The following JAZF1 variants were observed in gnomAD, a reference collection of about 807,000 sequenced individuals.
JAZF1 encodes the protein juxtaposed with another zinc finger protein 1.
A neutral mutation model predicts 26.4 loss-of-function variants in JAZF1; 8 were observed. That is an observed-to-expected ratio of 0.30 (90% CI 0.18 to 0.55). JAZF1 has a LOEUF of 0.55. Among genes scored for constraint, JAZF1 ranks in the 20% least tolerant of loss-of-function variants. The pLI is 0.94. For missense variants in JAZF1, 199 were observed against 322.0 expected, an observed-to-expected ratio of 0.62 and a Z score of 2.92; for synonymous variants, 126 against 122.3, an observed-to-expected ratio of 1.03 and a Z score of -0.20.
intron 2 of JAZF1, among the ~76,000 whole-genome samples, chr7:27,933,052 G>C (rs939789106): frequency 7.2e-5 from 11 of 152,168 alleles, no homozygotes; most frequent in African/African-American, 2.7e-4. Context: ...ATTATAAACA[G>C]CTCTGTGGAA....
At chr7:28,009,275 A>G (rs1323863586) in intron 1 of JAZF1, among the ~76,000 whole-genome samples, 1 of 152,042 alleles carries the variant, frequency 6.6e-6, no homozygotes, top group Non-Finnish European at 1.5e-5. Context: ...AGTATCTACA[A>G]CTACTCTGCC....
At chr7:27,984,650 A>T (rs1474380246) in intron 2 of JAZF1, among the ~76,000 whole-genome samples, 1 of 152,224 alleles carries the variant, frequency 6.6e-6, no homozygotes, top group Non-Finnish European at 1.5e-5. Flanking sequence ...CAGAACATAC[A>T]TTCTTCTCAG....
intron 1 of JAZF1, among the ~76,000 whole-genome samples, chr7:28,058,364 A>G (rs1783748218): frequency 1.3e-5 from 2 of 152,264 alleles, no homozygotes; most frequent in East Asian, 3.9e-4. Flanking sequence ...GAGGACGAAA[A>G]TGAGGACAAG....
chr7:27,868,877 G>A (rs1266513916), intron 3 of JAZF1, among the ~76,000 whole-genome samples: 2 of 152,160 alleles, frequency 1.3e-5, no homozygotes, highest in Admixed American at 6.5e-5. Flanking sequence ...CTGACAGAGA[G>A]CAGTAGCTCA....
chr7:28,009,240 T>C (rs1300581598), intron 1 of JAZF1, among the ~76,000 whole-genome samples: 4 of 145,504 alleles, frequency 2.7e-5, no homozygotes, highest in African/African-American at 1.0e-4. Context: ...TAACATACTT[T>C]CAAAAAAAAA....
At chr7:28,124,885 C>T (rs1302150266) in intron 1 of JAZF1, among the ~76,000 whole-genome samples, 1 of 152,162 alleles carries the variant, frequency 6.6e-6, no homozygotes, top group Non-Finnish European at 1.5e-5. Flanking sequence ...AGTTGACTGG[C>T]TCAAAGGGGC....
chr7:27,899,842 G>A (rs918710597), intron 2 of JAZF1, among the ~76,000 whole-genome samples: 3 of 152,156 alleles, frequency 2.0e-5, no homozygotes, highest in Non-Finnish European at 4.4e-5. Flanking sequence ...GGTCATTTAG[G>A]ATAGTGGCAG....
chr7:27,886,026 C>G (rs10225163), intron 3 of JAZF1, among the ~76,000 whole-genome samples: 80,594 of 152,112 alleles, frequency 0.53, 21,573 homozygotes, highest in Middle Eastern at 0.67. Flanking sequence ...ACAGTCAACA[C>G]TTCCTGAACA....
At position 27,847,255 on chromosome 7, in the gene JAZF1, G is replaced by C. The variant is rs550340716; in HGVS notation, c.386-6388C>G. ...TCCACCCACCTCAGCATCCCACAGT[G>C]CTGGGATTACAGGCATGAACCACCA... On this transcript the variant is annotated intron_variant, in intron 3 of 4. Transcript: ENST00000283928. Among the ~76,000 whole-genome samples the C allele has an allele frequency of 1.4e-4, 21 of 151,392 alleles. No homozygotes were observed. The South Asian group carries it at 4.4e-3, about 32-fold the overall frequency.
At chr7:28,007,053 T>C (rs910398457) in intron 1 of JAZF1, among the ~76,000 whole-genome samples, 1 of 152,224 alleles carries the variant, frequency 6.6e-6, no homozygotes, top group Admixed American at 6.5e-5. Context: ...ATTCCCACTC[T>C]TTAAGTGCTA....
chr7:28,067,578 C>A (rs1783904499), intron 1 of JAZF1, among the ~76,000 whole-genome samples: 2 of 152,128 alleles, frequency 1.3e-5, no homozygotes, highest in Non-Finnish European at 2.9e-5. Context: ...CTCTGGAGAA[C>A]CAATGATGGA....
In JAZF1 at chr7:28,149,181, A is replaced by G. The variant is rs190578066; in HGVS notation, c.115+31282T>C. ...ATAGGCTGGGCTGCAGAGCCTGTAA[A>G]CAGCCTCCTCTCCTCAAGCAGCCCA... On this transcript the variant is annotated intron_variant, in intron 1 of 4. Transcript: ENST00000283928. 1.4e-3 allele frequency among the ~76,000 whole-genome samples: 218 copies of G among 152,272 alleles called. 1 individual carries two copies. The highest frequency in any genetic ancestry group is 5.2e-3 in the African/African-American group (215 of 41,546).
In JAZF1 at chr7:27,998,025, AGAAGGAAG is replaced by A. The variant is rs199643152; in HGVS notation, c.116-6052_116-6045del. ...AGGGAGGAAGAGAGGAATGGGGGGA[AGAAGGAAG>A]GAAGGAAGGAAGGAAGGAAGGAAGG... On this transcript the variant is annotated intron_variant, in intron 1 of 4. Coordinates refer to ENST00000283928, the MANE Select transcript of JAZF1 (RefSeq NM_175061.4). Among the ~76,000 whole-genome samples, 844 of 111,248 alleles carry A rather than the reference AGAAGGAAG, an allele frequency of 7.6e-3. 8 individuals are homozygous for A. The highest frequency in any genetic ancestry group is 0.022 in the East Asian group (88 of 3,938). 73.0% of individuals were successfully genotyped at this position (111,248 alleles called of 152,430 possible).
At chr7:27,875,237 C>A (rs1450652871) in intron 3 of JAZF1, among the ~76,000 whole-genome samples, 4 of 152,114 alleles carry the variant, frequency 2.6e-5, no homozygotes, top group Admixed American at 6.5e-5. Flanking sequence ...CAACTCCCAT[C>A]GGCTCTACTC....
chr7:28,164,214 A>C (rs551335576), intron 1 of JAZF1, among the ~76,000 whole-genome samples: 14 of 152,236 alleles, frequency 9.2e-5, no homozygotes, highest in Admixed American at 2.0e-4. Context: ...TCAATCAGCC[A>C]AACCACAGTG....
intron 2 of JAZF1, among the ~76,000 whole-genome samples, chr7:27,986,315 A>G (rs1351873580): frequency 2.0e-5 from 3 of 152,346 alleles, no homozygotes; most frequent in Middle Eastern, 3.4e-3. Flanking sequence ...CCTATACACC[A>G]ATAACAGACA....
intron 3 of JAZF1, among the ~76,000 whole-genome samples, chr7:27,848,388 T>C (rs374857934): frequency 6.6e-6 from 1 of 152,334 alleles, no homozygotes; most frequent in African/African-American, 2.4e-5. Flanking sequence ...TTTTTGTATA[T>C]TGATAACGTA....
At chr7:28,090,893 C>G (rs1444814557) in intron 1 of JAZF1, among the ~76,000 whole-genome samples, 1 of 139,082 alleles carries the variant, frequency 7.2e-6, no homozygotes, top group Non-Finnish European at 1.5e-5. Context: ...GTGGCGCGAT[C>G]TCGGCTCACT....
chr7:27,844,721 A>G (rs545177495), intron 3 of JAZF1, among the ~76,000 whole-genome samples: 1 of 152,258 alleles, frequency 6.6e-6, no homozygotes, highest in Non-Finnish European at 1.5e-5. Flanking sequence ...ATAAGTAGGT[A>G]CAAAGAATTA....
Sources: gnomAD v4.1 joint callset for allele counts (sites outside exome capture counted in the v4.1 genomes callset) on GRCh38, gnomAD v4.1.1 for gene constraint, MANE v1.5 for transcripts, NCBI Gene and HGNC (gene_info 2026-07-23, HGNC 2026-07-21) for gene names.